The following NFATC2 variants were observed in gnomAD, a reference collection of about 807,000 sequenced individuals.
NFATC2 encodes the protein nuclear factor of activated T-cells, cytoplasmic 2.
Under a neutral mutation model 87.3 loss-of-function variants are expected in NFATC2, and 22 were observed. The observed-to-expected ratio is 0.25, with a 90% confidence interval of 0.18 to 0.36. The LOEUF (loss-of-function observed/expected upper bound fraction) is 0.36. Ranked by LOEUF, NFATC2 falls within the 10% of genes least tolerant of loss-of-function variation. The probability of loss-of-function intolerance (pLI) is 1.00; values close to 1 mark genes in which losing one functional copy is unlikely to be tolerated. For synonymous variants in NFATC2, 565 were observed against 542.2 expected, an observed-to-expected ratio of 1.04 and a Z score of -0.58; for missense variants, 1,149 against 1,259.1, an observed-to-expected ratio of 0.91 and a Z score of 1.32.
Position 51,547,738 on chromosome 20 carries a change from A to G in NFATC2, c.70+14822T>C, listed in dbSNP as rs1371262858. 2.6e-5 allele frequency among the ~76,000 whole-genome samples: 4 copies of G among 152,108 alleles called. No individual in the cohort carries two copies. The East Asian group carries it at 7.7e-4, about 29-fold the overall frequency. On this transcript the variant is annotated intron_variant, in intron 1 of 10. Coordinates refer to the NFATC2 transcript ENST00000414705. ...GCTCTGCCTGTAATCCAGTTCTCCAATCAAACACCAAAGAGTGGTTCTTGA... is the reference window on the plus strand; with the variant it reads ...GCTCTGCCTGTAATCCAGTTCTCCAGTCAAACACCAAAGAGTGGTTCTTGA...
At chr20:51,414,461 G>A (rs1016188652) in intron 9 of NFATC2, among the ~76,000 whole-genome samples, 1 of 152,096 alleles carries the variant, frequency 6.6e-6, no homozygotes, top group African/African-American at 2.4e-5. Flanking sequence ...GGCCGAGGTG[G>A]GCGGATCACC....
At chr20:51,431,652 T>C (rs955428613) in intron 9 of NFATC2, among the ~76,000 whole-genome samples, 1 of 152,212 alleles carries the variant, frequency 6.6e-6, no homozygotes, top group Non-Finnish European at 1.5e-5. Flanking sequence ...AAAAGAGGGC[T>C]ATAAAATGGG....
rs539541448 is a variant in NFATC2 at position 51,508,410 on chromosome 20, G to A, written c.1332+8374C>T. ...TCCCTCAGCCGGGGACACGTGCGGC[G>A]GGGCAGAGAGCAGTGCCACAACTGG... is the stretch of plus-strand genomic sequence containing the variant. On this transcript the variant is annotated intron_variant, in intron 3 of 10. Transcript: ENST00000371564. Among the ~76,000 whole-genome samples, 96 of 152,270 alleles carry A rather than the reference G, an allele frequency of 6.3e-4. 1 individual carries two copies. Among genetic ancestry groups the A allele is most frequent in the African/African-American group, 2.2e-3 (90 of 41,564 alleles).
chr20:51,542,557 G>A lies in NFATC2; in HGVS notation c.-58C>T. On this transcript the variant is annotated 5_prime_UTR_variant, in exon 1 of 11. Transcript: ENST00000371564. ...GGCGAGGGCGGGCGCGGCTGGCTCTGGGACCCCTCGCAGTGGGGCTGGCGG... is the reference window on the plus strand; with the variant it reads ...GGCGAGGGCGGGCGCGGCTGGCTCTAGGACCCCTCGCAGTGGGGCTGGCGG... 1.5e-6 allele frequency: 2 copies of A among 1,310,402 alleles called. No homozygotes were observed. Among genetic ancestry groups the A allele is most frequent in the East Asian group, 6.4e-5 (2 of 31,024 alleles). 81.2% of individuals were successfully genotyped at this position (1,310,402 alleles called of 1,614,324 possible).
chr20:51,517,087 G>C, intron 2 of NFATC2, 132 bp from the exon 3 acceptor site: 1 of 933,412 alleles, frequency 1.1e-6, no homozygotes, highest in Non-Finnish European at 1.6e-6. Context: ...GATACGTTCC[G>C]GGAAATGCAC....
In NFATC2 at chr20:51,432,311, C is replaced by T. The variant is rs141596667; in HGVS notation, c.2478G>A (p.Gln826=). The change falls in exon 9 of 11, where the codon CAG becomes CAA. Residue 826 remains glutamine, a synonymous_variant. Coordinates refer to ENST00000371564, the MANE Select transcript of NFATC2 (RefSeq NM_012340.5). The surrounding 1 kb of genome is among the most constrained non-coding windows in gnomAD (Gnocchi z 4.6). ...CGCAGTACATGATGTGCTGGAACTC[C>T]TGGTGGCTTCCGCAGCGCAGCTGCT... is the stretch of plus-strand genomic sequence containing the variant. ...TNQQLRCGSH[Q]EFQHIMYCEN... 6.2e-6 allele frequency: 10 copies of T among 1,614,112 alleles called. No individual in the cohort carries two copies. Among genetic ancestry groups the T allele is most frequent in the African/African-American group, 1.3e-5 (1 of 74,944 alleles).
At chr20:51,552,449 C>T (rs1375909545) in intron 1 of NFATC2, among the ~76,000 whole-genome samples, 1 of 152,146 alleles carries the variant, frequency 6.6e-6, no homozygotes, top group East Asian at 1.9e-4. Context: ...ATTGAGAAAA[C>T]AAGACAGTTT....
At chr20:51,488,652 A>C (rs1336268319) in intron 3 of NFATC2, among the ~76,000 whole-genome samples, 1 of 152,160 alleles carries the variant, frequency 6.6e-6, no homozygotes, top group African/African-American at 2.4e-5. Flanking sequence ...AGTGTTGTTC[A>C]ACGGGACCTT....
chr20:51,406,884 G>A (rs1030962256), intron 9 of NFATC2, among the ~76,000 whole-genome samples: 5 of 152,178 alleles, frequency 3.3e-5, no homozygotes, highest in Admixed American at 6.5e-5. Context: ...ACCACTTGCT[G>A]GCCGCCTCGT....
intron 2 of NFATC2, among the ~76,000 whole-genome samples, chr20:51,518,217 G>T (rs2076386152): frequency 6.6e-6 from 1 of 152,300 alleles, no homozygotes; most frequent in East Asian, 1.9e-4. Context: ...ATTTTGAAAA[G>T]CATCACTATG....
At chr20:51,398,601 C>T in intron 10 of NFATC2, 42 bp downstream of exon 10, 1 of 1,442,684 alleles carries the variant, frequency 6.9e-7, no homozygotes, top group Non-Finnish European at 9.5e-7. Context: ...TAAGGAAACA[C>T]ACAGCTGGAA....
At chr20:51,455,451 C>T (rs571939369) in intron 5 of NFATC2, among the ~76,000 whole-genome samples, 22 of 152,030 alleles carry the variant, frequency 1.4e-4, no homozygotes, top group South Asian at 2.1e-4. Context: ...ACCCCATCCC[C>T]TCCCAAGAGT....
intron 3 of NFATC2, among the ~76,000 whole-genome samples, chr20:51,513,849 G>A (rs528859339): frequency 2.7e-4 from 41 of 152,384 alleles, no homozygotes; most frequent in Middle Eastern, 3.4e-3. Flanking sequence ...TGGCCCGCAG[G>A]AGGCGTGGGC....
At position 51,542,574 on chromosome 20, in the gene NFATC2, G is replaced by T. The variant is rs374317739; in HGVS notation, c.-75C>A. The T allele has an allele frequency of 2.9e-5, 37 of 1,258,690 alleles. No individual in the cohort carries two copies. The African/African-American group carries it at 4.4e-4, about 15-fold the overall frequency. 78.0% of individuals were successfully genotyped at this position (1,258,690 alleles called of 1,614,324 possible). A position where few individuals can be genotyped will look rare whatever the true frequency, so the allele number is the denominator to read the frequency against. ...CTGGCTCTGGGACCCCTCGCAGTGG[G>T]GCTGGCGGAGGCGGCTCGAGCGGCG... On this transcript the variant is annotated 5_prime_UTR_variant, in exon 1 of 11. Transcript: ENST00000371564.
At chr20:51,541,983 C>T (rs1454413978) in intron 1 of NFATC2, among the ~76,000 whole-genome samples, 1 of 152,168 alleles carries the variant, frequency 6.6e-6, no homozygotes, top group Non-Finnish European at 1.5e-5. Flanking sequence ...CTCCATTCTT[C>T]GCTTCCTCAC....
intron 9 of NFATC2, among the ~76,000 whole-genome samples, chr20:51,417,185 T>C (rs1423482025): frequency 2.0e-5 from 3 of 152,042 alleles, no homozygotes; most frequent in African/African-American, 7.2e-5. Flanking sequence ...GAGATGACCA[T>C]CCCTGCCTTC....
intron 3 of NFATC2, among the ~76,000 whole-genome samples, chr20:51,509,120 T>C (rs549337779): frequency 6.6e-6 from 1 of 151,986 alleles, no homozygotes; most frequent in South Asian, 2.1e-4. Flanking sequence ...CCTGGAGAGG[T>C]CCCTGCAGCT....
intron 5 of NFATC2, among the ~76,000 whole-genome samples, chr20:51,458,054 T>C (rs1381586023): frequency 6.6e-6 from 1 of 151,940 alleles, no homozygotes; most frequent in East Asian, 1.9e-4. Context: ...TCCTGCTTAT[T>C]TTTGTAGAGG....
intron 3 of NFATC2, 113 bp downstream of exon 3, chr20:51,516,671 T>C: frequency 9.2e-7 from 1 of 1,090,108 alleles, no homozygotes; most frequent in Non-Finnish European, 1.3e-6. Context: ...CTCAAAGGAG[T>C]AAGAGGCTGA....
Sources: gnomAD v4.1 joint callset for allele counts (sites outside exome capture counted in the v4.1 genomes callset) on GRCh38, gnomAD v4.1.1 for gene constraint, Gnocchi (gnomAD v3.1) non-coding constraint, MANE v1.5 for transcripts, NCBI Gene and HGNC (gene_info 2026-07-23, HGNC 2026-07-21) for gene names.